LARGE1: variants seen among roughly 807,000 people sequenced by gnomAD.
The protein encoded by LARGE1 is LARGE xylosyl- and glucuronyltransferase 1.
In LARGE1, 43 loss-of-function variants were observed where a neutral mutation model predicts 87.6. The observed-to-expected ratio is 0.49, with a 90% CI of 0.38 to 0.63. The LOEUF (loss-of-function observed/expected upper bound fraction) is 0.63. Ranked by LOEUF, LARGE1 falls within the 30% of genes least tolerant of loss-of-function variation. LARGE1 has a pLI of 0.00. For missense variants in LARGE1, 802 were observed against 1,000.2 expected (o/e 0.80, Z 2.67); for synonymous variants, 434 against 394.6 (o/e 1.10, Z -1.18).
chr22:33,452,385 T>C (rs1305068766), intron 6 of LARGE1, among the ~76,000 whole-genome samples: 1 of 152,120 alleles, frequency 6.6e-6, no homozygotes, highest in Non-Finnish European at 1.5e-5. Flanking sequence ...CCATTTCCCC[T>C]GCTCAGAGCA....
chr22:33,497,286 G>A lies in LARGE1; in HGVS notation c.788-65021C>T, dbSNP rs183911141. Among the ~76,000 whole-genome samples, 7 of 152,172 alleles carry A rather than the reference G, an allele frequency of 4.6e-5. No individual in the cohort carries two copies. The East Asian group carries it at 9.7e-4, about 21-fold the overall frequency. On this transcript the variant is annotated intron_variant, in intron 6 of 14. Coordinates refer to ENST00000397394, the MANE Select transcript of LARGE1 (RefSeq NM_133642.5). ...AGATAGGGTTTCACTAAGTTGGCAAGGCTGGTCTCAAACTCCTCACCTCAA... is the reference window on the plus strand; with the variant it reads ...AGATAGGGTTTCACTAAGTTGGCAAAGCTGGTCTCAAACTCCTCACCTCAA...
chr22:33,685,543 A>T (rs2081919354), intron 2 of LARGE1, among the ~76,000 whole-genome samples: 1 of 152,236 alleles, frequency 6.6e-6, no homozygotes. Context: ...GCAGATTCCT[A>T]GGTTATGCCC....
At chr22:33,559,130 G>T (rs1422386955) in intron 6 of LARGE1, among the ~76,000 whole-genome samples, 3 of 152,246 alleles carry the variant, frequency 2.0e-5, no homozygotes, top group Non-Finnish European at 4.4e-5. Flanking sequence ...GGCAGTCCAA[G>T]ATCAAGGCTC....
At chr22:33,100,580 T>A in the LARGE1 span, among the ~76,000 whole-genome samples, 6,372 of 152,096 alleles carry the variant, frequency 0.042, 334 homozygotes, top group East Asian at 0.25. Context: ...TTAGATAATA[T>A]TTTTAGAGTG....
intron 6 of LARGE1, among the ~76,000 whole-genome samples, chr22:33,434,350 G>A (rs1457987331): frequency 6.6e-6 from 1 of 152,184 alleles, no homozygotes; most frequent in Non-Finnish European, 1.5e-5. Context: ...TGCCAGGCTG[G>A]AGTGCAGTGG....
chr22:33,453,928 T>C lies in LARGE1; in HGVS notation c.788-21663A>G, dbSNP rs555680500. ...CTAATCAATACACTGAATTAAGCAA[T>C]TGAGATAACACAAAGGATCAGAATC... On this transcript the variant is annotated intron_variant, in intron 6 of 14. Transcript: ENST00000397394. 5.3e-5 allele frequency among the ~76,000 whole-genome samples: 8 copies of C among 152,324 alleles called. No homozygotes were observed. The South Asian group carries it at 1.7e-3, about 32-fold the overall frequency.
At chr22:33,524,598 G>A (rs1236722635) in intron 6 of LARGE1, among the ~76,000 whole-genome samples, 2 of 152,012 alleles carry the variant, frequency 1.3e-5, no homozygotes, top group Admixed American at 6.5e-5. Context: ...TCTGGTACCA[G>A]ACAATGATTT....
chr22:33,638,160 C>T (rs982528982), intron 3 of LARGE1, among the ~76,000 whole-genome samples: 2 of 152,184 alleles, frequency 1.3e-5, no homozygotes, highest in African/African-American at 2.4e-5. Flanking sequence ...GGAAAGATAG[C>T]TGGCAAACGC....
chr22:33,089,268 C>G, the LARGE1 span, among the ~76,000 whole-genome samples: 2 of 149,648 alleles, frequency 1.3e-5, no homozygotes, highest in Non-Finnish European at 2.9e-5. Flanking sequence ...TCTTCCTCTT[C>G]TTCTTCTTCT....
chr22:33,420,942 G>C (rs1465003411), intron 7 of LARGE1, among the ~76,000 whole-genome samples: 2 of 152,132 alleles, frequency 1.3e-5, no homozygotes, highest in Admixed American at 1.3e-4. Context: ...AATCTCAGCA[G>C]TTTGGGAGGC....
intron 1 of LARGE1, among the ~76,000 whole-genome samples, chr22:33,774,953 T>C (rs952335739): frequency 1.3e-5 from 2 of 152,148 alleles, no homozygotes; most frequent in African/African-American, 4.8e-5. Flanking sequence ...CCAGGAAGCT[T>C]TGCCGTAATA....
chr22:33,668,649 T>C (rs767574363), intron 2 of LARGE1, among the ~76,000 whole-genome samples: 4 of 152,144 alleles, frequency 2.6e-5, no homozygotes, highest in African/African-American at 4.8e-5. Context: ...CTCATGTCCA[T>C]TGATGCAGGT....
intron 2 of LARGE1, among the ~76,000 whole-genome samples, chr22:33,655,328 G>T (rs2080929162): frequency 6.6e-6 from 1 of 152,150 alleles, no homozygotes; most frequent in African/African-American, 2.4e-5. Flanking sequence ...AACTCATCTT[G>T]CCTGACAGCC....
rs2063640867 is a variant in LARGE1 at position 33,852,862 on chromosome 22, A to C, written c.-83+67133T>G. Among the ~76,000 whole-genome samples the C allele has an allele frequency of 3.2e-5, 3 of 92,768 alleles. No individual in the cohort carries two copies. The Admixed American group carries it at 4.4e-4, about 14-fold the overall frequency. The allele number at this position is 92,768 out of a possible 152,430, so 60.9% of individuals were successfully genotyped here. A position where few individuals can be genotyped will look rare whatever the true frequency, so the allele number is the denominator to read the frequency against. ...GACAGCGAGACTCCGTCTCCAAAAA[A>C]AAAAAAAAAAAAAAAAAGAAAGAAA... On this transcript the variant is annotated intron_variant, in intron 1 of 14. Transcript: ENST00000397394.
intron 6 of LARGE1, among the ~76,000 whole-genome samples, chr22:33,481,304 C>A (rs2069316605): frequency 6.8e-6 from 1 of 147,874 alleles, no homozygotes; most frequent in Non-Finnish European, 1.5e-5. Flanking sequence ...CTTTGGTTTT[C>A]AATTTTTTGT....
At chr22:33,185,057 T>C (rs892252934) in intron 11 of LARGE1, among the ~76,000 whole-genome samples, 1 of 152,174 alleles carries the variant, frequency 6.6e-6, no homozygotes, top group African/African-American at 2.4e-5. Context: ...CTCTGGTATT[T>C]ATCTAAGTGA....
chr22:33,513,281 G>A (rs142943187), intron 6 of LARGE1, among the ~76,000 whole-genome samples: 161 of 152,328 alleles, frequency 1.1e-3, no homozygotes, highest in African/African-American at 3.6e-3. Flanking sequence ...TTGCATGGTG[G>A]TCAATCTTCA....
chr22:33,127,007 T>C, the LARGE1 span, among the ~76,000 whole-genome samples: 28 of 152,256 alleles, frequency 1.8e-4, no homozygotes, highest in African/African-American at 6.0e-4. Flanking sequence ...TTTGCACTAT[T>C]CCTTCCTGGG....
chr22:33,575,297 CT>C (rs1318406897), intron 5 of LARGE1, among the ~76,000 whole-genome samples: 1 of 152,170 alleles, frequency 6.6e-6, no homozygotes, highest in Non-Finnish European at 1.5e-5. Context: ...GAAACTAATA[CT>C]TTGTTGGATT....
Sources: allele counts gnomAD v4.1 joint callset (sites outside exome capture counted in the v4.1 genomes callset), GRCh38; gene constraint gnomAD v4.1.1; transcripts MANE v1.5; gene names NCBI Gene and HGNC (gene_info 2026-07-23, HGNC 2026-07-21).